Variants in NUDCD1 observed in about 807,000 individuals in gnomAD.
NUDCD1 encodes NudC domain containing 1.
Under a neutral mutation model 67.8 loss-of-function variants are expected in NUDCD1, and 60 were observed. The ratio of observed to expected loss-of-function variants is 0.88; its 90% CI spans 0.72 to 1.10. The LOEUF (loss-of-function observed/expected upper bound fraction) is 1.10, where lower values mean the gene tolerates loss of function less well. NUDCD1 is among the 50% of genes least tolerant of loss of function. The pLI is 0.00. For missense variants in NUDCD1, 643 were observed against 695.0 expected (o/e 0.93, Z 0.84); for synonymous variants, 244 against 230.8 (o/e 1.06, Z -0.52).
intron 5 of NUDCD1, among the ~76,000 whole-genome samples, chr8:109,282,178 C>T (rs537725561): frequency 1.3e-5 from 2 of 152,180 alleles, no homozygotes; most frequent in Non-Finnish European, 2.9e-5. Flanking sequence ...ATCTTGGCCC[C>T]TACTCCCCGG....
At chr8:109,243,361 G>A in intron 9 of NUDCD1, 60 bp from the exon 10 acceptor site, 1 of 1,336,666 alleles carries the variant, frequency 7.5e-7, no homozygotes, top group East Asian at 2.3e-5. Context: ...GGGGAAAAAT[G>A]ATGATTTAAC....
At chr8:109,305,326 A>G (rs891155363) in intron 2 of NUDCD1, among the ~76,000 whole-genome samples, 2 of 152,076 alleles carry the variant, frequency 1.3e-5, no homozygotes, top group Admixed American at 1.3e-4. Context: ...GTAAGACATA[A>G]TTCCTCAGTT....
intron 1 of NUDCD1, among the ~76,000 whole-genome samples, chr8:109,327,908 C>T (rs902943632): frequency 1.3e-5 from 2 of 152,212 alleles, no homozygotes; most frequent in African/African-American, 2.4e-5. Context: ...GCTGTTTATA[C>T]ATCCATTTTC....
At chr8:109,284,518 C>T (rs989163864) in intron 5 of NUDCD1, among the ~76,000 whole-genome samples, 1 of 152,116 alleles carries the variant, frequency 6.6e-6, no homozygotes, top group Non-Finnish European at 1.5e-5. Flanking sequence ...AGATCACTCA[C>T]ACACTCAGCC....
chr8:109,251,777 A>G (rs895769868), intron 8 of NUDCD1, among the ~76,000 whole-genome samples: 2 of 151,680 alleles, frequency 1.3e-5, no homozygotes. Flanking sequence ...TTATCCTTAC[A>G]GTGTTCTTCC....
chr8:109,299,414 C>T (rs1348333440), intron 2 of NUDCD1, among the ~76,000 whole-genome samples: 1 of 152,146 alleles, frequency 6.6e-6, no homozygotes, highest in Non-Finnish European at 1.5e-5. Context: ...TTGGCAAAGG[C>T]ATGTTGGGAG....
At chr8:109,253,330 T>C (rs574214146) in intron 8 of NUDCD1, among the ~76,000 whole-genome samples, 2 of 152,314 alleles carry the variant, frequency 1.3e-5, no homozygotes, top group East Asian at 3.9e-4. Flanking sequence ...AGTAGAAGTA[T>C]GCTCAGCAGA....
chr8:109,327,293 A>G (rs1037735546), intron 1 of NUDCD1, among the ~76,000 whole-genome samples: 3 of 152,222 alleles, frequency 2.0e-5, no homozygotes, highest in Non-Finnish European at 2.9e-5. Context: ...CAACACATTC[A>G]TGTGGGTATT....
Position 109,281,019 on chromosome 8 carries a change from TAG to T in NUDCD1, c.975_976del (p.Tyr326PhefsTer4), listed in dbSNP as rs770180515. 6 of 1,610,300 alleles carry T rather than the reference TAG, an allele frequency of 3.7e-6. No individual in the cohort carries two copies. Among genetic ancestry groups the T allele is most frequent in the South Asian group, 2.2e-5 (2 of 90,984 alleles). Reference sequence around the variant, plus strand: ...ACTGCTTTCATGATCAATAGATGAATAGAGTTTTCCTTCTAAAAACTGGTGAT... The same window carrying T: ...ACTGCTTTCATGATCAATAGATGAATAGTTTTCCTTCTAAAAACTGGTGAT... On this transcript the variant is annotated frameshift_variant, in exon 6 of 10. Coordinates refer to ENST00000239690, the MANE Select transcript of NUDCD1 (RefSeq NM_032869.4). LOFTEE classifies it high-confidence loss of function.
chr8:109,289,165 C>T (rs767560762), intron 5 of NUDCD1, among the ~76,000 whole-genome samples: 15 of 151,738 alleles, frequency 9.9e-5, no homozygotes, highest in Admixed American at 2.0e-4. Flanking sequence ...TTAGTAGAGA[C>T]GGGGTTTCAT....
At chr8:109,320,474 C>T (rs1166653140) in intron 2 of NUDCD1, among the ~76,000 whole-genome samples, 2 of 152,202 alleles carry the variant, frequency 1.3e-5, no homozygotes, top group African/African-American at 4.8e-5. Context: ...AAGGTTATCT[C>T]TCTTACTCCC....
chr8:109,260,320 G>A (rs79962094), intron 8 of NUDCD1, among the ~76,000 whole-genome samples: 3,150 of 152,292 alleles, frequency 0.021, 110 homozygotes, highest in African/African-American at 0.072. Flanking sequence ...TCAGGCCCCT[G>A]AGTAGCTAGG....
At chr8:109,324,492 G>C (rs767668475) in intron 1 of NUDCD1, among the ~76,000 whole-genome samples, 2 of 151,576 alleles carry the variant, frequency 1.3e-5, no homozygotes, top group African/African-American at 2.4e-5. Flanking sequence ...ATGGAAAATA[G>C]TAAAGAGGTT....
chr8:109,291,291 C>T (rs574686243), intron 4 of NUDCD1, among the ~76,000 whole-genome samples: 2 of 152,224 alleles, frequency 1.3e-5, no homozygotes, highest in South Asian at 4.1e-4. Context: ...TATAGGTGCA[C>T]AACACCATGC....
chr8:109,323,405 G>A (rs1389062883), intron 1 of NUDCD1, among the ~76,000 whole-genome samples: 1 of 151,970 alleles, frequency 6.6e-6, no homozygotes, highest in Non-Finnish European at 1.5e-5. Flanking sequence ...AATAGGCATC[G>A]ATGACACAGT....
At chr8:109,280,220 A>G (rs750004804) in intron 6 of NUDCD1, among the ~76,000 whole-genome samples, 34 of 152,220 alleles carry the variant, frequency 2.2e-4, no homozygotes, top group South Asian at 1.0e-3. Context: ...GAATTTAATA[A>G]TTTTTATATA....
rs546560288 is a variant in NUDCD1 at position 109,262,685 on chromosome 8, C to T, written c.1299+8320G>A. ...GACCAAGGGGCTCAGCTGTGCTGAT[C>T]GATCAGAACTAAGCTGTAATTCATT... On this transcript the variant is annotated intron_variant, in intron 8 of 9. Coordinates refer to ENST00000239690, the MANE Select transcript of NUDCD1 (RefSeq NM_032869.4). Among the ~76,000 whole-genome samples, 33 of 152,178 alleles carry T rather than the reference C, an allele frequency of 2.2e-4. 1 individual carries two copies. The highest frequency in any genetic ancestry group is 2.1e-3 in the Admixed American group (32 of 15,280).
chr8:109,268,554 AACAAT>A (rs1368798279), intron 8 of NUDCD1, among the ~76,000 whole-genome samples: 1 of 152,214 alleles, frequency 6.6e-6, no homozygotes, highest in African/African-American at 2.4e-5. Context: ...ACTACTGATC[AACAAT>A]ACTTAGGAGT....
chr8:109,293,424 A>G lies in NUDCD1; in HGVS notation c.560T>C (p.Ile187Thr), dbSNP rs557390473. The change falls in exon 4 of 10, where the codon ATA (isoleucine) becomes ACA (threonine). Residue 187 changes from isoleucine to threonine, a missense_variant. Ile to Thr is a moderately conservative substitution (Grantham distance 89). Coordinates refer to ENST00000239690, the MANE Select transcript of NUDCD1 (RefSeq NM_032869.4). ...EHSIATLLLR[I>T]EKEELDMKGS... ...TTTCATATCCAATTCCTCTTTCTCT[A>G]TTCGAAGAAGTAGGGTAGCTATAGA... 12 of 1,588,678 alleles carry G rather than the reference A, an allele frequency of 7.6e-6. No homozygotes were observed. Among genetic ancestry groups the G allele is most frequent in the African/African-American group, 2.7e-5 (2 of 73,714 alleles).
Sources: allele counts gnomAD v4.1 joint callset (sites outside exome capture counted in the v4.1 genomes callset), GRCh38; gene constraint gnomAD v4.1.1; transcripts MANE v1.5; gene names NCBI Gene and HGNC (gene_info 2026-07-23, HGNC 2026-07-21).